Variants in DLC1 observed in about 807,000 individuals in gnomAD.
DLC1 encodes DLC1 Rho GTPase activating protein.
DLC1 carries 54 observed loss-of-function variants against 140.3 expected under a neutral mutation model. That is an observed-to-expected ratio of 0.38 (90% CI 0.31 to 0.48). The LOEUF (loss-of-function observed/expected upper bound fraction) is 0.48, where lower values mean the gene tolerates loss of function less well. Ranked by LOEUF, DLC1 falls within the 20% of genes least tolerant of loss-of-function variation. The pLI is 0.96. For synonymous variants in DLC1, 986 were observed against 728.1 expected (o/e 1.35, Z -5.70); for missense variants, 2,536 against 1,907.0 (o/e 1.33, Z -6.14).
At position 13,086,304 on chromosome 8, in the gene DLC1, G is replaced by T; in HGVS notation, c.4452C>A (p.Cys1484Ter). The T allele has an allele frequency of 6.2e-7, 1 of 1,614,136 alleles. No homozygotes were observed. The highest frequency in any genetic ancestry group is 8.5e-7 in the Non-Finnish European group (1 of 1,180,024). Reference protein sequence around the residue: ...GPGKSKLTYMCRVDLRGHMPE... With the variant: ...GPGKSKLTYM The stretch of plus-strand genomic sequence containing the variant: ...TCAGAACATACCTTAAGTCAACTCT[G>T]CACATGTAGGTGAGTTTGGATTTTC... The change falls in exon 17 of 18, where the codon TGC becomes TGA. Residue 1484 changes from cysteine to a stop codon, truncating the protein, a stop_gained. Transcript: ENST00000276297. LOFTEE classifies it high-confidence loss of function.
chr8:13,528,492 G>T (rs1016606962), intron 1 of DLC1, among the ~76,000 whole-genome samples: 2 of 152,030 alleles, frequency 1.3e-5, no homozygotes, highest in Non-Finnish European at 2.9e-5. Flanking sequence ...TGTTATAAAA[G>T]ATTTCTTTTA....
intron 5 of DLC1, among the ~76,000 whole-genome samples, chr8:13,167,841 T>G (rs1037523928): frequency 1.3e-5 from 2 of 152,230 alleles, no homozygotes; most frequent in Non-Finnish European, 2.9e-5. Flanking sequence ...ACATTTGTTA[T>G]TTTATTAAAC....
chr8:13,378,601 T>C (rs1836104622), intron 4 of DLC1, among the ~76,000 whole-genome samples: 1 of 152,188 alleles, frequency 6.6e-6, no homozygotes, highest in African/African-American at 2.4e-5. Flanking sequence ...TACAAACCTT[T>C]CAAAACCATG....
intron 5 of DLC1, among the ~76,000 whole-genome samples, chr8:13,304,295 TGCCA>T (rs1832328044): frequency 6.6e-6 from 1 of 152,192 alleles, no homozygotes; most frequent in Admixed American, 6.5e-5. Flanking sequence ...TGACATATGA[TGCCA>T]GTTCAATATT....
chr8:13,183,927 T>C (rs1221398421), intron 5 of DLC1, among the ~76,000 whole-genome samples: 4 of 152,224 alleles, frequency 2.6e-5, no homozygotes, highest in African/African-American at 9.6e-5. Context: ...AGAATTTGGC[T>C]GTGAATCCAT....
intron 1 of DLC1, among the ~76,000 whole-genome samples, chr8:13,581,648 C>G (rs1585983): frequency 0.37 from 56,013 of 152,028 alleles, 11,197 homozygotes; most frequent in South Asian, 0.57. Flanking sequence ...TGCTTCTGTT[C>G]ATCACCCTGT....
chr8:13,395,051 A>G (rs1000425696), intron 3 of DLC1, among the ~76,000 whole-genome samples: 1 of 116,074 alleles, frequency 8.6e-6, no homozygotes, highest in East Asian at 2.1e-4. Context: ...CTATCTATCT[A>G]TTAGGTACCT....
intron 4 of DLC1, among the ~76,000 whole-genome samples, chr8:13,317,256 T>C (rs1467269279): frequency 6.6e-6 from 1 of 152,172 alleles, no homozygotes; most frequent in African/African-American, 2.4e-5. Context: ...TAAACATAGA[T>C]GGGAGGATAA....
At chr8:13,131,881 G>A (rs1325153584) in intron 5 of DLC1, among the ~76,000 whole-genome samples, 1 of 152,094 alleles carries the variant, frequency 6.6e-6, no homozygotes, top group Non-Finnish European at 1.5e-5. Flanking sequence ...TCGCCCCAGG[G>A]GCTGTGCGCT....
At chr8:13,164,161 G>T (rs1017756241) in intron 5 of DLC1, among the ~76,000 whole-genome samples, 1 of 152,144 alleles carries the variant, frequency 6.6e-6, no homozygotes, top group African/African-American at 2.4e-5. Flanking sequence ...AGCTGGGTGT[G>T]GTGGCAGGCG....
intron 1 of DLC1, among the ~76,000 whole-genome samples, chr8:13,533,861 C>G (rs948341892): frequency 6.6e-6 from 1 of 152,172 alleles, no homozygotes. Flanking sequence ...CTTGCTCTCT[C>G]TCTTTCCCAC....
At chr8:13,544,645 T>C (rs1803595947) in intron 1 of DLC1, among the ~76,000 whole-genome samples, 1 of 152,154 alleles carries the variant, frequency 6.6e-6, no homozygotes, top group South Asian at 2.1e-4. Context: ...TTTAGCACAG[T>C]CTAATAGCCT....
In DLC1 at chr8:13,570,950, G is replaced by T. The variant is rs191603368; in HGVS notation, c.-126+33587C>A. Among the ~76,000 whole-genome samples the T allele has an allele frequency of 3.3e-5, 5 of 152,292 alleles. No individual in the cohort carries two copies. In the East Asian group the frequency reaches 9.7e-4, roughly 29 times the overall value. ...ACTTGCTGGGCCATGGTGCAGACAG[G>T]TATCTTGGGATGAGAGCACAGGAGG... On this transcript the variant is annotated intron_variant, in intron 1 of 1. Transcript: ENST00000631382.
At chr8:13,337,158 G>A (rs537048905) in intron 4 of DLC1, among the ~76,000 whole-genome samples, 3 of 152,212 alleles carry the variant, frequency 2.0e-5, no homozygotes, top group East Asian at 3.9e-4. Context: ...TTTCTCTACA[G>A]TTTTGCTCTA....
intron 2 of DLC1, among the ~76,000 whole-genome samples, chr8:13,415,785 A>G (rs1206284171): frequency 6.6e-6 from 1 of 152,096 alleles, no homozygotes; most frequent in Non-Finnish European, 1.5e-5. Flanking sequence ...TAGTATGTTC[A>G]TGATTTTTTT....
intron 5 of DLC1, among the ~76,000 whole-genome samples, chr8:13,274,220 G>A (rs1281725116): frequency 6.6e-6 from 1 of 152,198 alleles, no homozygotes; most frequent in Non-Finnish European, 1.5e-5. Flanking sequence ...GTGCTCTTGA[G>A]GTTTGGCTGT....
In DLC1 at chr8:13,540,762, G is replaced by A. The variant is rs571165766; in HGVS notation, c.-125-40566C>T. On this transcript the variant is annotated intron_variant, in intron 1 of 1. Transcript: ENST00000631382. ...GTTGGTCACTGAAGCCTTCGACATG[G>A]CAATCACTCATCTGGGGATTTGTTC... 2.8e-3 allele frequency among the ~76,000 whole-genome samples: 430 copies of A among 152,286 alleles called. 2 individuals are homozygous for A. The highest frequency in any genetic ancestry group is 4.5e-3 in the Non-Finnish European group (303 of 68,028).
chr8:13,109,418 A>G (rs191307181), intron 7 of DLC1, among the ~76,000 whole-genome samples: 1 of 152,136 alleles, frequency 6.6e-6, no homozygotes, highest in East Asian at 1.9e-4. Flanking sequence ...TTAGCTGGGT[A>G]TGGTGGTGTG....
chr8:13,133,003 A>C (rs1822250450), intron 5 of DLC1: 1 of 1,607,854 alleles, frequency 6.2e-7, no homozygotes, highest in Non-Finnish European at 8.5e-7. Context: ...GCGGCGGCGG[A>C]AGCGCTGTGG....
Sources: allele counts gnomAD v4.1 joint callset (sites outside exome capture counted in the v4.1 genomes callset), GRCh38; gene constraint gnomAD v4.1.1; transcripts MANE v1.5; gene names NCBI Gene and HGNC (gene_info 2026-07-23, HGNC 2026-07-21).